Variants in FLYWCH1 observed in about 807,000 individuals in gnomAD.
FLYWCH1 encodes the protein FLYWCH-type zinc finger-containing protein 1.
FLYWCH1 carries 75 observed loss-of-function variants against 66.4 expected under a neutral mutation model. That is an observed-to-expected ratio of 1.13 (90% CI 0.94 to 1.37). FLYWCH1 has a LOEUF of 1.37. FLYWCH1 is among the 40% of genes most tolerant of loss of function. The probability of loss-of-function intolerance (pLI) is 0.00; values close to 1 mark genes in which losing one functional copy is unlikely to be tolerated. For synonymous variants in FLYWCH1, 595 were observed against 429.9 expected, an observed-to-expected ratio of 1.38 and a Z score of -4.75; for missense variants, 1,334 against 1,001.8, an observed-to-expected ratio of 1.33 and a Z score of -4.48.
intron 9 of FLYWCH1, among the ~76,000 whole-genome samples, chr16:2,946,080 A>G (rs2071475033): frequency 6.6e-6 from 1 of 152,160 alleles, no homozygotes; most frequent in Admixed American, 6.5e-5. Flanking sequence ...TGTGTTTTAA[A>G]CTGAGTGTAA....
chr16:2,922,949 T>C, intron 2 of FLYWCH1: 1 of 523,802 alleles, frequency 1.9e-6, no homozygotes. Context: ...CCGAGGATAT[T>C]TGGGCTGCCT....
intron 2 of FLYWCH1, among the ~76,000 whole-genome samples, chr16:2,920,298 C>A (rs2070323750): frequency 6.6e-6 from 1 of 151,872 alleles, no homozygotes. Flanking sequence ...TAACTAGAGG[C>A]CAGGAGTTCG....
intron 9 of FLYWCH1, among the ~76,000 whole-genome samples, chr16:2,941,296 A>G (rs1240266338): frequency 6.8e-6 from 1 of 147,300 alleles, no homozygotes; most frequent in African/African-American, 2.4e-5. Context: ...GTAATTTAAA[A>G]CAAACAAAAC....
At chr16:2,940,127 A>C (rs764102970) in intron 9 of FLYWCH1, 35 bp downstream of exon 9, 60 of 983,688 alleles carry the variant, frequency 6.1e-5, no homozygotes, top group Non-Finnish European at 8.2e-6. Flanking sequence ...TGCATGACCA[A>C]TTACAACAAA....
chr16:2,934,684 C>T, intron 6 of FLYWCH1: 1 of 456,156 alleles, frequency 2.2e-6, no homozygotes, highest in African/African-American at 2.0e-5. Context: ...TGCCTCATGG[C>T]CCTAAAGTTC....
At chr16:2,927,635 C>T (rs1380608190) in intron 2 of FLYWCH1, among the ~76,000 whole-genome samples, 1 of 152,108 alleles carries the variant, frequency 6.6e-6, no homozygotes, top group African/African-American at 2.4e-5. Context: ...ATAATTGTGG[C>T]CAAATTGGTC....
intron 4 of FLYWCH1, among the ~76,000 whole-genome samples, chr16:2,931,938 C>A (rs1175088969): frequency 6.6e-6 from 1 of 152,038 alleles, no homozygotes. Flanking sequence ...ACAGTGAAAC[C>A]CTGTCTCTAC....
At chr16:2,916,683 T>A (rs4438306) in intron 2 of FLYWCH1, among the ~76,000 whole-genome samples, 127,761 of 151,722 alleles carry the variant, frequency 0.84, 54,067 homozygotes, top group Non-Finnish European at 0.87. Context: ...AAAAGAAATT[T>A]AAAAATTCGT....
Position 2,920,269 on chromosome 16 carries a change from A to T in FLYWCH1, c.-74+5980A>T, listed in dbSNP as rs572507974. ...TTAGTAGAGCACCTGTAATCCCAGCACTTTAGGAGGCAGGTAGGTAACTAG... is the reference window on the plus strand; with the variant it reads ...TTAGTAGAGCACCTGTAATCCCAGCTCTTTAGGAGGCAGGTAGGTAACTAG... On this transcript the variant is annotated intron_variant, in intron 2 of 9. Transcript: ENST00000253928. 1.2e-4 allele frequency among the ~76,000 whole-genome samples: 18 copies of T among 152,168 alleles called. No homozygotes were observed. The South Asian group carries it at 3.1e-3, about 26-fold the overall frequency.
intron 6 of FLYWCH1, 136 bp from the exon 7 acceptor site, chr16:2,936,985 T>C: frequency 2.3e-6 from 2 of 867,358 alleles, no homozygotes; most frequent in Non-Finnish European, 3.1e-6. Context: ...GATGGTGGCA[T>C]CTGTGTCCTG....
chr16:2,931,651 C>A (rs2150953468), intron 4 of FLYWCH1, among the ~76,000 whole-genome samples: 1 of 152,086 alleles, frequency 6.6e-6, no homozygotes, highest in South Asian at 2.1e-4. Context: ...GGTTCCCATG[C>A]AATTCTAGTG....
At chr16:2,914,736 T>G (rs994125998) in intron 2 of FLYWCH1, among the ~76,000 whole-genome samples, 56 of 151,934 alleles carry the variant, frequency 3.7e-4, no homozygotes, top group African/African-American at 1.4e-3. Context: ...CTGTCTATAC[T>G]AAAAATACAA....
chr16:2,948,558 G>T, intron 9 of FLYWCH1, 130 bp from the exon 10 acceptor site: 1 of 938,762 alleles, frequency 1.1e-6, no homozygotes, highest in East Asian at 2.7e-5. Context: ...GCAAGATTCC[G>T]TCTCAAAAAT....
intron 9 of FLYWCH1, among the ~76,000 whole-genome samples, chr16:2,944,400 A>G (rs571877297): frequency 7.0e-4 from 106 of 152,182 alleles, no homozygotes; most frequent in Non-Finnish European, 1.2e-4. Flanking sequence ...ATCTCAAAAA[A>G]AAAAAAAAAA....
rs2071590227 is a variant in FLYWCH1, at chr16:2,948,831, C to T, written c.*104C>T. The T allele has an allele frequency of 4.8e-6, 5 of 1,034,932 alleles. No individual in the cohort carries two copies. Among genetic ancestry groups the T allele is most frequent in the Middle Eastern group, 2.7e-4 (1 of 3,662 alleles). 64.1% of individuals were successfully genotyped at this position (1,034,932 alleles called of 1,614,324 possible). A position where few individuals can be genotyped will look rare whatever the true frequency, so the allele number is the denominator to read the frequency against. On this transcript the variant is annotated 3_prime_UTR_variant, in exon 10 of 10. Transcript: ENST00000253928. ...GTTTGGCTTAGCAGAAACTTCTTTT[C>T]ATTCTTCCAAAGCATCGATGGTCTT...
chr16:2,931,285 G>A (rs2070752866), intron 4 of FLYWCH1, among the ~76,000 whole-genome samples: 1 of 136,528 alleles, frequency 7.3e-6, no homozygotes, highest in South Asian at 2.3e-4. Context: ...CCTGGTGACT[G>A]GAGCGAGACT....
intron 7 of FLYWCH1, 84 bp from the exon 8 acceptor site, chr16:2,938,099 GC>G: frequency 1.5e-6 from 2 of 1,359,374 alleles, no homozygotes; most frequent in Non-Finnish European, 2.0e-6. Context: ...TCCTGGTGGG[GC>G]CTGGCTGGGG....
rs201307652 is a variant in FLYWCH1 at position 2,937,368 on chromosome 16, G to A, written c.1761G>A (p.Ala587=). 7.6e-5 allele frequency: 120 copies of A among 1,577,052 alleles called. No individual in the cohort carries two copies. The highest frequency in any genetic ancestry group is 9.4e-5 in the African/African-American group (7 of 74,396). ...LRQREHFPNL[A]QWDSPDPLRP... ...AGCGGGAGCACTTCCCCAACCTGGC[G>A]CAGTGGGACAGCCCAGGTGCGTGTG... The change falls in exon 7 of 10, where the codon GCG becomes GCA. Residue 587 remains alanine (A), a synonymous_variant. Transcript: ENST00000253928.
chr16:2,915,011 C>T (rs1268825289), intron 2 of FLYWCH1, among the ~76,000 whole-genome samples: 1 of 146,382 alleles, frequency 6.8e-6, no homozygotes, highest in Non-Finnish European at 1.5e-5. Flanking sequence ...TGGGTATCTA[C>T]TGTAAAAAAA....
Sources: gnomAD v4.1 joint callset for allele counts (sites outside exome capture counted in the v4.1 genomes callset) on GRCh38, gnomAD v4.1.1 for gene constraint, MANE v1.5 for transcripts, NCBI Gene and HGNC (gene_info 2026-07-23, HGNC 2026-07-21) for gene names.